GIPC2: variants seen among roughly 807,000 people sequenced by gnomAD.
The protein encoded by GIPC2 is GIPC PDZ domain containing family member 2, also known as PDZ domain-containing protein GIPC2.
A neutral mutation model predicts 30.6 loss-of-function variants in GIPC2; 30 were observed. The observed-to-expected ratio is 0.98, with a 90% CI of 0.73 to 1.33. The LOEUF (loss-of-function observed/expected upper bound fraction) is 1.33. Among genes scored for constraint, GIPC2 ranks in the 40% most tolerant of loss-of-function variants. The pLI, the probability that GIPC2 is intolerant of heterozygous loss-of-function variation, is 0.00. For missense variants in GIPC2, 414 were observed against 390.3 expected (o/e 1.06, Z -0.51); for synonymous variants, 167 against 150.0 (o/e 1.11, Z -0.83).
At chr1:78,058,595 G>A (rs945665051) in intron 1 of GIPC2, among the ~76,000 whole-genome samples, 1 of 152,072 alleles carries the variant, frequency 6.6e-6, no homozygotes, top group East Asian at 1.9e-4. Context: ...TGTGTTCCAA[G>A]CAACATGAAT....
At chr1:78,081,476 T>C (rs910327710) in intron 2 of GIPC2, among the ~76,000 whole-genome samples, 2 of 152,292 alleles carry the variant, frequency 1.3e-5, no homozygotes, top group African/African-American at 2.4e-5. Flanking sequence ...TTAAAGTATA[T>C]AGAAGGATGT....
intron 1 of GIPC2, among the ~76,000 whole-genome samples, chr1:78,061,042 G>A (rs1232940862): frequency 1.3e-5 from 2 of 152,248 alleles, no homozygotes; most frequent in Non-Finnish European, 2.9e-5. Flanking sequence ...GTCTCATAGG[G>A]CCACCAGGGA....
At chr1:78,067,960 A>T (rs1661551079) in intron 1 of GIPC2, among the ~76,000 whole-genome samples, 1 of 152,164 alleles carries the variant, frequency 6.6e-6, no homozygotes, top group South Asian at 2.1e-4. Flanking sequence ...GGATTATTTT[A>T]TAGTAACTAG....
chr1:78,107,560 C>T (rs1003073400), intron 3 of GIPC2, among the ~76,000 whole-genome samples: 2 of 151,996 alleles, frequency 1.3e-5, no homozygotes, highest in African/African-American at 2.4e-5. Context: ...TGTGGTGGCT[C>T]ATGCCTGTAA....
intron 1 of GIPC2, among the ~76,000 whole-genome samples, chr1:78,073,778 CAAAT>C (rs1449949080): frequency 6.6e-6 from 1 of 152,116 alleles, no homozygotes; most frequent in Non-Finnish European, 1.5e-5. Context: ...ACACTAATGA[CAAAT>C]AATTTATTTA....
At chr1:78,091,108 C>T (rs1662029015) in intron 2 of GIPC2, among the ~76,000 whole-genome samples, 1 of 152,128 alleles carries the variant, frequency 6.6e-6, no homozygotes, top group African/African-American at 2.4e-5. Flanking sequence ...AAAATTATGT[C>T]ACCTCTGTTT....
At chr1:78,093,862 G>T (rs1004581124) in intron 2 of GIPC2, among the ~76,000 whole-genome samples, 3 of 152,042 alleles carry the variant, frequency 2.0e-5, no homozygotes, top group African/African-American at 7.2e-5. Flanking sequence ...TACATCCTCT[G>T]CAGGGCTGTT....
At chr1:78,085,320 G>A (rs78099243) in intron 2 of GIPC2, among the ~76,000 whole-genome samples, 4,915 of 152,226 alleles carry the variant, frequency 0.032, 251 homozygotes, top group African/African-American at 0.11. Context: ...TGTGCTGCTG[G>A]ATTTGATTTG....
chr1:78,109,994 C>T (rs1009763608), intron 3 of GIPC2, among the ~76,000 whole-genome samples: 2 of 151,770 alleles, frequency 1.3e-5, no homozygotes, highest in Admixed American at 1.3e-4. Context: ...CAATGAGAAC[C>T]CATGGACACA....
At chr1:78,079,087 C>T (rs1267499083) in intron 1 of GIPC2, among the ~76,000 whole-genome samples, 1 of 152,124 alleles carries the variant, frequency 6.6e-6, no homozygotes, top group African/African-American at 2.4e-5. Context: ...CATTTTTACA[C>T]TAGAGAATAT....
intron 1 of GIPC2, among the ~76,000 whole-genome samples, chr1:78,078,201 A>C (rs1393396428): frequency 7.3e-5 from 11 of 151,364 alleles, no homozygotes; most frequent in East Asian, 1.9e-4. Flanking sequence ...AAAAAAAAAA[A>C]AAAAAAAAAC....
chr1:78,127,975 A>G (rs559528178), intron 5 of GIPC2, among the ~76,000 whole-genome samples: 17 of 151,356 alleles, frequency 1.1e-4, no homozygotes, highest in Admixed American at 1.1e-3. Flanking sequence ...TACAGGTGTG[A>G]GCCATCATTG....
chr1:78,073,446 A>T (rs924006954), intron 1 of GIPC2, among the ~76,000 whole-genome samples: 3 of 152,124 alleles, frequency 2.0e-5, no homozygotes, highest in Non-Finnish European at 2.9e-5. Context: ...ATATTTCTAT[A>T]ATGTTTATTT....
rs888992066 is a variant in GIPC2, at chr1:78,080,790, A to G, written c.356A>G (p.Asn119Ser). The G allele has an allele frequency of 4.3e-6, 7 of 1,610,382 alleles. No individual in the cohort carries two copies. Among genetic ancestry groups the G allele is most frequent in the Non-Finnish European group, 5.9e-6 (7 of 1,176,702 alleles). The change falls in exon 2 of 6, where the codon AAT becomes AGT. Residue 119 changes from asparagine to serine, a missense_variant. Physicochemically the swap from Asn to Ser is conservative, Grantham distance 46. Coordinates refer to ENST00000370759, the MANE Select transcript of GIPC2 (RefSeq NM_017655.6). ...GTGAAAGGAATCGAAAAAGAAGTGA[A>G]TGTGTATAAATCTGAGGATTCACTT... The part of the protein sequence containing the change: ...AHVKGIEKEV[N>S]VYKSEDSLGL...
At chr1:78,064,039 A>G (rs941417886) in intron 1 of GIPC2, among the ~76,000 whole-genome samples, 20 of 152,236 alleles carry the variant, frequency 1.3e-4, no homozygotes, top group African/African-American at 4.3e-4. Context: ...GAGCAGACTG[A>G]TATAAATGTT....
intron 4 of GIPC2, among the ~76,000 whole-genome samples, chr1:78,119,926 C>T (rs1281589248): frequency 6.6e-6 from 1 of 152,216 alleles, no homozygotes; most frequent in East Asian, 1.9e-4. Flanking sequence ...TCAGCAGATC[C>T]TAGTGGATCT....
chr1:78,052,848 C>T (rs978075543), intron 1 of GIPC2, among the ~76,000 whole-genome samples: 7 of 152,116 alleles, frequency 4.6e-5, no homozygotes, highest in Admixed American at 6.5e-5. Context: ...GCACTGAGCT[C>T]TTTTGAAAGT....
chr1:78,077,135 T>A (rs978756657), intron 1 of GIPC2, among the ~76,000 whole-genome samples: 1 of 152,076 alleles, frequency 6.6e-6, no homozygotes, highest in African/African-American at 2.4e-5. Context: ...CTAGCCGAAT[T>A]TGGATACTGA....
At chr1:78,053,741 C>T (rs998921257) in intron 1 of GIPC2, among the ~76,000 whole-genome samples, 2 of 107,392 alleles carry the variant, frequency 1.9e-5, no homozygotes, top group African/African-American at 6.8e-5. Context: ...GGTACCCTGC[C>T]TCTTAAAAAA....
Sources: allele counts gnomAD v4.1 joint callset (sites outside exome capture counted in the v4.1 genomes callset), GRCh38; gene constraint gnomAD v4.1.1; transcripts MANE v1.5; gene names NCBI Gene and HGNC (gene_info 2026-07-23, HGNC 2026-07-21).